AKAP13: variants seen among roughly 807,000 people sequenced by gnomAD.
AKAP13 encodes the protein A-kinase anchoring protein 13.
Under a neutral mutation model 264.5 loss-of-function variants are expected in AKAP13, and 80 were observed. The observed-to-expected ratio is 0.30, with a 90% CI of 0.25 to 0.36. AKAP13 has a LOEUF of 0.36. AKAP13 is among the 10% of genes least tolerant of loss of function. The pLI is 1.00. For synonymous variants in AKAP13, 1,380 were observed against 1,250.2 expected (o/e 1.10, Z -2.19); for missense variants, 3,712 against 3,435.2 (o/e 1.08, Z -2.01).
chr15:85,511,210 C>T (rs992571056), intron 2 of AKAP13, among the ~76,000 whole-genome samples: 15 of 152,238 alleles, frequency 9.9e-5, no homozygotes, highest in African/African-American at 3.6e-4. Flanking sequence ...CTGATTTCTC[C>T]TCTTCTCGGA....
At chr15:85,705,229 G>C (rs769495567) in intron 17 of AKAP13, among the ~76,000 whole-genome samples, 1 of 152,128 alleles carries the variant, frequency 6.6e-6, no homozygotes, top group Non-Finnish European at 1.5e-5. Flanking sequence ...CTTTTTACGT[G>C]ATAGTGCCAC....
intron 19 of AKAP13, among the ~76,000 whole-genome samples, chr15:85,713,291 TC>T (rs2086727872): frequency 6.6e-6 from 1 of 152,222 alleles, no homozygotes; most frequent in Non-Finnish European, 1.5e-5. Context: ...ACTGATTCCT[TC>T]TACCTGCTTC....
intron 6 of AKAP13, among the ~76,000 whole-genome samples, chr15:85,576,479 A>T (rs2079018454): frequency 6.6e-6 from 1 of 152,216 alleles, no homozygotes; most frequent in Non-Finnish European, 1.5e-5. Context: ...CCCTGTTAGC[A>T]TTTATTACGA....
chr15:85,514,551 G>A (rs544690058), intron 2 of AKAP13, among the ~76,000 whole-genome samples: 1 of 137,892 alleles, frequency 7.3e-6, no homozygotes, highest in East Asian at 2.0e-4. Context: ...ATTGGAGAAT[G>A]GTATTAGTGA....
At chr15:85,472,984 A>AT (rs991464458) in intron 1 of AKAP13, among the ~76,000 whole-genome samples, 33 of 152,346 alleles carry the variant, frequency 2.2e-4, no homozygotes, top group African/African-American at 7.5e-4. Flanking sequence ...CATCTGCTAA[A>AT]TAGTACCCTT....
At chr15:85,692,012 G>A in intron 16 of AKAP13, 1 of 400,802 alleles carries the variant, frequency 2.5e-6, no homozygotes, top group Non-Finnish European at 4.9e-6. Context: ...TTTTTTTAAA[G>A]GAAGTGACCC....
intron 1 of AKAP13, chr15:85,381,989 A>T (rs180803640): frequency 6.6e-6 from 1 of 152,304 alleles, no homozygotes; most frequent in East Asian, 1.9e-4. Flanking sequence ...CATTGTTACT[A>T]TTCTTGTATT....
chr15:85,517,437 G>A (rs1289696011), intron 2 of AKAP13, among the ~76,000 whole-genome samples: 1 of 152,016 alleles, frequency 6.6e-6, no homozygotes, highest in African/African-American at 2.4e-5. Context: ...GAGTCTCCCA[G>A]CAAGATGTTG....
At chr15:85,397,649 G>T (rs544430215) in intron 1 of AKAP13, among the ~76,000 whole-genome samples, 1 of 152,246 alleles carries the variant, frequency 6.6e-6, no homozygotes, top group African/African-American at 2.4e-5. Flanking sequence ...TCTCTGCAAG[G>T]AAGGTATTTT....
chr15:85,573,507 C>T (rs140968068), intron 5 of AKAP13, among the ~76,000 whole-genome samples: 36 of 150,936 alleles, frequency 2.4e-4, no homozygotes, highest in Admixed American at 8.6e-4. Context: ...ATCGCACCAC[C>T]GCACTCCAGC....
chr15:85,585,632 T>C, intron 7 of AKAP13, 70 bp from the exon 8 acceptor site: 2 of 1,591,606 alleles, frequency 1.3e-6, no homozygotes, highest in Non-Finnish European at 1.7e-6. Flanking sequence ...ACCTGGAGCA[T>C]GTTGTATGAA....
At chr15:85,473,010 A>G (rs963214982) in intron 1 of AKAP13, among the ~76,000 whole-genome samples, 6 of 152,348 alleles carry the variant, frequency 3.9e-5, no homozygotes, top group East Asian at 3.9e-4. Flanking sequence ...TAAAATTACT[A>G]CACTTCAAAA....
At chr15:85,525,058 ATTT>A (rs11419433) in intron 3 of AKAP13, among the ~76,000 whole-genome samples, 7 of 129,498 alleles carry the variant, frequency 5.4e-5, no homozygotes, top group Non-Finnish European at 9.5e-5. Context: ...CTATCTTTAA[ATTT>A]TTTTTTTTTT....
At chr15:85,582,949 C>T (rs2079184946) in intron 7 of AKAP13, 2 of 985,284 alleles carry the variant, frequency 2.0e-6, no homozygotes, top group Non-Finnish European at 2.4e-6. Context: ...AACCATGTTC[C>T]GAGGCAGCAA....
intron 36 of AKAP13, chr15:85,744,194 G>C (rs1456680880): frequency 1.0e-5 from 3 of 300,528 alleles, no homozygotes; most frequent in Non-Finnish European, 1.9e-5. Context: ...GTATGAAGTT[G>C]GCACTGCTAA....
At chr15:85,383,977 A>C (rs2070424607) in intron 1 of AKAP13, among the ~76,000 whole-genome samples, 1 of 152,228 alleles carries the variant, frequency 6.6e-6, no homozygotes, top group Non-Finnish European at 1.5e-5. Context: ...TTACAGAAGA[A>C]GGCAGTGATT....
At chr15:85,510,506 C>T (rs1478392179) in intron 2 of AKAP13, among the ~76,000 whole-genome samples, 3 of 152,086 alleles carry the variant, frequency 2.0e-5, no homozygotes, top group Admixed American at 6.5e-5. Flanking sequence ...TTTTAAGACT[C>T]ATTTACCTGT....
intron 2 of AKAP13, among the ~76,000 whole-genome samples, chr15:85,486,846 C>T (rs933546325): frequency 6.7e-6 from 1 of 149,988 alleles, no homozygotes; most frequent in Non-Finnish European, 1.5e-5. Context: ...TCACGCCAGT[C>T]TCCTGCCTCA....
At position 85,515,895 on chromosome 15, in the gene AKAP13, C is replaced by T. The variant is rs551966343; in HGVS notation, c.34-5533C>T. Among the ~76,000 whole-genome samples the T allele has an allele frequency of 1.8e-4, 16 of 89,574 alleles. 2 individuals carry two copies. Among genetic ancestry groups the T allele is most frequent in the Admixed American group, 1.6e-3 (14 of 8,922 alleles). The allele number at this position is 89,574 out of a possible 152,430, so 58.8% of individuals were successfully genotyped here. A position where few individuals can be genotyped will look rare whatever the true frequency, so the allele number is the denominator to read the frequency against. On this transcript the variant is annotated intron_variant, in intron 2 of 36. Transcript: ENST00000394518. ...GTTATCTGCCAAAGTTCTGCTTTCCCCTTTGTTATTTATAAGCCTTAAGTG... is the reference window on the plus strand; with the variant it reads ...GTTATCTGCCAAAGTTCTGCTTTCCTCTTTGTTATTTATAAGCCTTAAGTG...
Sources: allele counts gnomAD v4.1 joint callset (sites outside exome capture counted in the v4.1 genomes callset), GRCh38; gene constraint gnomAD v4.1.1; transcripts MANE v1.5; gene names NCBI Gene and HGNC (gene_info 2026-07-23, HGNC 2026-07-21).